Variants in AFAP1 observed in about 807,000 individuals in gnomAD.
The protein encoded by AFAP1 is actin filament-associated protein 1.
Under a neutral mutation model 93.9 loss-of-function variants are expected in AFAP1, and 75 were observed. The ratio of observed to expected loss-of-function variants is 0.80; its 90% confidence interval spans 0.66 to 0.97. AFAP1 has a LOEUF of 0.97. Among genes scored for constraint, AFAP1 ranks in the 50% least tolerant of loss-of-function variants. The pLI is 0.00. For missense variants in AFAP1, 1,201 were observed against 1,050.8 expected (o/e 1.14, Z -1.98); for synonymous variants, 517 against 430.7 (o/e 1.20, Z -2.48).
chr4:7,792,353 A>C (rs1259085948), intron 11 of AFAP1, among the ~76,000 whole-genome samples: 2 of 152,148 alleles, frequency 1.3e-5, no homozygotes, highest in African/African-American at 4.8e-5. Flanking sequence ...ATCAAAAAAA[A>C]CTGCTCACTG....
chr4:7,760,249 G>A lies in AFAP1; in HGVS notation c.*3516C>T, dbSNP rs565919987. The A allele has an allele frequency of 6.6e-6, 1 of 152,246 alleles. No homozygotes were observed. The highest frequency in any genetic ancestry group is 1.5e-5 in the Non-Finnish European group (1 of 68,048). 9.4% of individuals were successfully genotyped at this position (152,246 alleles called of 1,614,324 possible). ...ATCTCCACATTTTAGGGTAGTTTTT[G>A]TCTATTTAGAAATGGCCAGTAATAA... On this transcript the variant is annotated 3_prime_UTR_variant, in exon 18 of 18. Coordinates refer to ENST00000420658, the MANE Select transcript of AFAP1 (RefSeq NM_001134647.2).
At chr4:7,898,996 C>T (rs755812888) in intron 1 of AFAP1, among the ~76,000 whole-genome samples, 13 of 144,944 alleles carry the variant, frequency 9.0e-5, no homozygotes, top group South Asian at 2.2e-4. Flanking sequence ...TGTATATACA[C>T]AAATGTATAT....
intron 13 of AFAP1, among the ~76,000 whole-genome samples, chr4:7,780,912 G>A (rs1203575398): frequency 2.0e-5 from 3 of 152,064 alleles, no homozygotes; most frequent in Admixed American, 2.0e-4. Flanking sequence ...TATACCTTTA[G>A]ACTTGTCATG....
At chr4:7,792,138 C>T (rs1395503651) in intron 11 of AFAP1, among the ~76,000 whole-genome samples, 1 of 152,162 alleles carries the variant, frequency 6.6e-6, no homozygotes, top group Non-Finnish European at 1.5e-5. Flanking sequence ...ATTTTAATTG[C>T]TTTTTCTGAG....
chr4:7,821,160 C>A (rs954694142), intron 6 of AFAP1, among the ~76,000 whole-genome samples: 1 of 152,126 alleles, frequency 6.6e-6, no homozygotes, highest in Admixed American at 6.6e-5. Flanking sequence ...AGCTGTGTGG[C>A]CTTGGGGGAA....
At chr4:7,777,077 G>A (rs954812759) in intron 14 of AFAP1, 4 of 152,184 alleles carry the variant, frequency 2.6e-5, no homozygotes, top group African/African-American at 4.8e-5. Context: ...AGTCAGCACA[G>A]GTACTGACAG....
intron 1 of AFAP1, among the ~76,000 whole-genome samples, chr4:7,934,523 G>A (rs1420058250): frequency 6.6e-6 from 1 of 152,156 alleles, no homozygotes; most frequent in Non-Finnish European, 1.5e-5. Flanking sequence ...GACCAGGGCC[G>A]GGTTTATTAG....
chr4:7,774,530 G>T, intron 15 of AFAP1: 1 of 720,498 alleles, frequency 1.4e-6, no homozygotes. Flanking sequence ...CCTGGCCTCT[G>T]CCTGCACGCC....
At chr4:7,829,606 C>G (rs1420218174) in intron 6 of AFAP1, among the ~76,000 whole-genome samples, 1 of 152,182 alleles carries the variant, frequency 6.6e-6, no homozygotes, top group Non-Finnish European at 1.5e-5. Context: ...CTCTTAAACC[C>G]TATAAAAAAT....
At chr4:7,809,029 C>A (rs1055441642) in intron 9 of AFAP1, among the ~76,000 whole-genome samples, 1 of 151,338 alleles carries the variant, frequency 6.6e-6, no homozygotes, top group East Asian at 2.0e-4. Context: ...AAGTGACTAA[C>A]AGTGACGTGA....
Position 7,871,822 on chromosome 4 carries a change from A to C in AFAP1, c.127+130T>G, listed in dbSNP as rs1276713241. On this transcript the variant is annotated intron_variant, in intron 2 of 17. Transcript: ENST00000420658. Reference sequence around the variant, plus strand: ...GGCACAAGTGTAAACCCTCAATGAAAACTTGATGAATAAATAAGCTTGTAA... The same window carrying C: ...GGCACAAGTGTAAACCCTCAATGAACACTTGATGAATAAATAAGCTTGTAA... 28 of 1,312,440 alleles carry C rather than the reference A, an allele frequency of 2.1e-5. 1 individual carries two copies. The highest frequency in any genetic ancestry group is 4.6e-5 in the Admixed American group (2 of 43,104). 81.3% of individuals were successfully genotyped at this position (1,312,440 alleles called of 1,614,324 possible).
intron 11 of AFAP1, among the ~76,000 whole-genome samples, chr4:7,789,677 T>C (rs1156436874): frequency 4.8e-5 from 6 of 124,254 alleles, no homozygotes; most frequent in African/African-American, 6.1e-5. Flanking sequence ...CCATCCTCTT[T>C]ATCCTCACCA....
intron 1 of AFAP1, among the ~76,000 whole-genome samples, chr4:7,914,890 G>A (rs1436989136): frequency 6.6e-6 from 1 of 151,902 alleles, no homozygotes; most frequent in African/African-American, 2.4e-5. Context: ...TGGGATTATG[G>A]GCGCCCACCA....
intron 1 of AFAP1, among the ~76,000 whole-genome samples, chr4:7,889,646 A>G (rs1718332959): frequency 6.6e-6 from 1 of 151,206 alleles, no homozygotes; most frequent in South Asian, 2.1e-4. Flanking sequence ...ACTATTCTTT[A>G]AACATGTGAG....
At chr4:7,830,378 C>T (rs943423335) in intron 6 of AFAP1, among the ~76,000 whole-genome samples, 9 of 152,070 alleles carry the variant, frequency 5.9e-5, no homozygotes, top group East Asian at 5.8e-4. Context: ...AGACAAGAAA[C>T]GCGAGGCTGT....
chr4:7,926,742 CTTTT>C (rs1293292675), intron 1 of AFAP1, among the ~76,000 whole-genome samples: 3 of 152,102 alleles, frequency 2.0e-5, no homozygotes, highest in East Asian at 3.9e-4. Context: ...CCCCTTCTTT[CTTTT>C]TATTTTTTGA....
chr4:7,850,337 A>T (rs547121856), intron 4 of AFAP1, among the ~76,000 whole-genome samples: 13 of 152,148 alleles, frequency 8.5e-5, no homozygotes, highest in Non-Finnish European at 1.9e-4. Context: ...CTCATCTCCA[A>T]ACACCAGCAG....
chr4:7,841,393 A>G (rs1712996716), intron 5 of AFAP1, among the ~76,000 whole-genome samples: 1 of 152,224 alleles, frequency 6.6e-6, no homozygotes, highest in East Asian at 1.9e-4. Context: ...AGGTGGGCTC[A>G]CCAGCCCTGC....
At position 7,914,806 on chromosome 4, in the gene AFAP1, C is replaced by T. The variant is rs111729100; in HGVS notation, c.-3+24850G>A. Among the ~76,000 whole-genome samples, 45 of 152,214 alleles carry T rather than the reference C, an allele frequency of 3.0e-4. 1 individual carries two copies. The highest frequency in any genetic ancestry group is 9.2e-4 in the African/African-American group (38 of 41,528). ...TTGCCCAGGCTGGAGTACAGTGGCGCGATCTCAGCTCGCTCACTGTAGCCT... is the reference window on the plus strand; with the variant it reads ...TTGCCCAGGCTGGAGTACAGTGGCGTGATCTCAGCTCGCTCACTGTAGCCT... On this transcript the variant is annotated intron_variant, in intron 1 of 17. Coordinates refer to ENST00000420658, the MANE Select transcript of AFAP1 (RefSeq NM_001134647.2).
Sources: allele counts gnomAD v4.1 joint callset (sites outside exome capture counted in the v4.1 genomes callset), GRCh38; gene constraint gnomAD v4.1.1; transcripts MANE v1.5; gene names NCBI Gene and HGNC (gene_info 2026-07-23, HGNC 2026-07-21).